Variants in CD2AP observed in about 807,000 individuals in gnomAD.
The protein encoded by CD2AP is CD2-associated protein.
In CD2AP, 46 loss-of-function variants were observed where a neutral mutation model predicts 85.1. That is an observed-to-expected ratio of 0.54 (90% CI 0.43 to 0.69). CD2AP has a LOEUF of 0.69. Among genes scored for constraint, CD2AP ranks in the 30% least tolerant of loss-of-function variants. CD2AP has a pLI of 0.00. For synonymous variants in CD2AP, 255 were observed against 252.9 expected (o/e 1.01, Z -0.08); for missense variants, 769 against 729.5 (o/e 1.05, Z -0.62).
chr6:47,586,519 A>G (rs1450335143), intron 11 of CD2AP, among the ~76,000 whole-genome samples: 1 of 152,168 alleles, frequency 6.6e-6, no homozygotes, highest in Non-Finnish European at 1.5e-5. Context: ...ATTTGATGCA[A>G]ATTTATGACA....
At chr6:47,554,144 C>T (rs7774179) in intron 4 of CD2AP, among the ~76,000 whole-genome samples, 396 of 152,134 alleles carry the variant, frequency 2.6e-3, no homozygotes, top group African/African-American at 9.0e-3. Context: ...AACTCCTGGT[C>T]AAGCAGTCTG....
intron 11 of CD2AP, among the ~76,000 whole-genome samples, chr6:47,586,578 C>T (rs899297146): frequency 1.3e-5 from 2 of 152,054 alleles, no homozygotes; most frequent in Non-Finnish European, 2.9e-5. Flanking sequence ...TAGTTTTCTA[C>T]CTAACAAAAA....
intron 2 of CD2AP, among the ~76,000 whole-genome samples, chr6:47,507,236 AC>A (rs1766196934): frequency 6.6e-6 from 1 of 152,022 alleles, no homozygotes; most frequent in Non-Finnish European, 1.5e-5. Context: ...CACCACATCT[AC>A]CGTTAACTTC....
At chr6:47,497,557 C>T (rs112719024) in intron 1 of CD2AP, among the ~76,000 whole-genome samples, 7 of 152,096 alleles carry the variant, frequency 4.6e-5, no homozygotes, top group Admixed American at 2.6e-4. Flanking sequence ...ACTGTAGGTG[C>T]GTTATCATTA....
At chr6:47,601,167 G>T (rs1049126468) in intron 13 of CD2AP, among the ~76,000 whole-genome samples, 3 of 151,738 alleles carry the variant, frequency 2.0e-5, no homozygotes, top group Non-Finnish European at 2.9e-5. Flanking sequence ...AACTATTGAT[G>T]ATTGGAAAGT....
chr6:47,529,990 G>C (rs906282652), intron 2 of CD2AP, among the ~76,000 whole-genome samples: 4 of 152,072 alleles, frequency 2.6e-5, no homozygotes, highest in Non-Finnish European at 5.9e-5. Context: ...CTGCTCATAT[G>C]CTATGCTTTC....
At chr6:47,615,614 CAAACATGGATCATCT>C (rs2114157855) in intron 17 of CD2AP, among the ~76,000 whole-genome samples, 1 of 152,014 alleles carries the variant, frequency 6.6e-6, no homozygotes, top group South Asian at 2.1e-4. Flanking sequence ...GGGGATGATC[CAAACATGGATCATCT>C]AAACACCCCA....
chr6:47,580,566 G>A lies in CD2AP; in HGVS notation c.1009-298G>A, dbSNP rs537576731. On this transcript the variant is annotated intron_variant, in intron 9 of 17. Transcript: ENST00000359314. ...AATGGTACTTAGGAATCTTAACCTA[G>A]GGGAGGCAGAGCAGAACATTTTTGC... 1.5e-4 allele frequency among the ~76,000 whole-genome samples: 23 copies of A among 152,226 alleles called. No individual in the cohort carries two copies. The South Asian group carries it at 3.9e-3, about 26-fold the overall frequency.
intron 5 of CD2AP, among the ~76,000 whole-genome samples, chr6:47,556,478 G>A (rs1200975214): frequency 6.6e-6 from 1 of 151,928 alleles, no homozygotes; most frequent in East Asian, 1.9e-4. Context: ...CTCCCAAGCA[G>A]TTGGGATTAC....
chr6:47,579,462 G>C lies in CD2AP; in HGVS notation c.981G>C (p.Gln327His), dbSNP rs1329817675. Reference sequence around the variant, plus strand: ...TATTTCCAGACAATTTTGCTGTCCAGATAAATGAACTTGATAAAGACTTTC... The same window carrying C: ...TATTTCCAGACAATTTTGCTGTCCACATAAATGAACTTGATAAAGACTTTC... Reference protein sequence around the residue: ...EGVFPDNFAVQINELDKDFPK... With the variant: ...EGVFPDNFAVHINELDKDFPK... Residue 327 changes from glutamine (Q) to histidine (H), a missense_variant, in exon 9 of 18, where the codon CAG becomes CAC. Coordinates refer to ENST00000359314, the MANE Select transcript of CD2AP (RefSeq NM_012120.3). The C allele has an allele frequency of 1.2e-6, 2 of 1,609,346 alleles. No homozygotes were observed. Among genetic ancestry groups the C allele is most frequent in the Admixed American group, 3.3e-5 (2 of 60,006 alleles).
intron 12 of CD2AP, among the ~76,000 whole-genome samples, chr6:47,596,384 G>A (rs550669337): frequency 6.6e-6 from 1 of 152,102 alleles, no homozygotes; most frequent in African/African-American, 2.4e-5. Flanking sequence ...CTATCTAACC[G>A]TATGTATTCC....
intron 4 of CD2AP, chr6:47,545,238 A>G (rs1458758808): frequency 6.4e-6 from 1 of 155,304 alleles, no homozygotes; most frequent in Admixed American, 6.4e-5. Flanking sequence ...TTGCTCCAGA[A>G]CGACTGCAGG....
At chr6:47,499,596 C>T (rs1460055979) in intron 1 of CD2AP, among the ~76,000 whole-genome samples, 1 of 152,148 alleles carries the variant, frequency 6.6e-6, no homozygotes. Flanking sequence ...CCCACCCTTA[C>T]TTACCCTTTC....
At chr6:47,510,255 A>G (rs1766277682) in intron 2 of CD2AP, among the ~76,000 whole-genome samples, 1 of 152,226 alleles carries the variant, frequency 6.6e-6, no homozygotes, top group Admixed American at 6.5e-5. Flanking sequence ...TATGTGGGTT[A>G]GTGTGCATAC....
intron 9 of CD2AP, among the ~76,000 whole-genome samples, chr6:47,580,367 C>T (rs1201946267): frequency 6.6e-6 from 1 of 152,028 alleles, no homozygotes; most frequent in Non-Finnish European, 1.5e-5. Context: ...AAAAACATGT[C>T]TTTGCCTTTA....
At chr6:47,547,592 A>G (rs780744910) in intron 4 of CD2AP, among the ~76,000 whole-genome samples, 13 of 152,074 alleles carry the variant, frequency 8.5e-5, no homozygotes, top group Non-Finnish European at 1.2e-4. Context: ...GGACTTCAAT[A>G]CTCCACTGAC....
At chr6:47,606,643 T>G (rs200757481) in intron 14 of CD2AP, among the ~76,000 whole-genome samples, 4 of 84,306 alleles carry the variant, frequency 4.7e-5, no homozygotes, top group Non-Finnish European at 7.5e-5. Context: ...ATATTCAGTG[T>G]TTTTTTTCTT....
At chr6:47,507,779 T>A (rs1483715463) in intron 2 of CD2AP, among the ~76,000 whole-genome samples, 1 of 152,192 alleles carries the variant, frequency 6.6e-6, no homozygotes, top group Non-Finnish European at 1.5e-5. Flanking sequence ...ACTTGCAAGT[T>A]GAAATACTCC....
chr6:47,536,658 A>C (rs1191708261), intron 3 of CD2AP, among the ~76,000 whole-genome samples: 1 of 152,196 alleles, frequency 6.6e-6, no homozygotes, highest in Non-Finnish European at 1.5e-5. Flanking sequence ...TTGGTAAAAC[A>C]AAGAAGTATT....
Sources: gnomAD v4.1 joint callset for allele counts (sites outside exome capture counted in the v4.1 genomes callset) on GRCh38, gnomAD v4.1.1 for gene constraint, MANE v1.5 for transcripts, NCBI Gene and HGNC (gene_info 2026-07-23, HGNC 2026-07-21) for gene names.